The following DAB1 variants were observed in gnomAD, a reference collection of about 807,000 sequenced individuals.
The protein encoded by DAB1 is disabled homolog 1.
In DAB1, 15 loss-of-function variants were observed where a neutral mutation model predicts 64.6. That is an observed-to-expected ratio of 0.23 (90% CI 0.16 to 0.36). The LOEUF is 0.36. DAB1 is among the 10% of genes least tolerant of loss of function. The pLI, the probability that DAB1 is intolerant of heterozygous loss-of-function variation, is 1.00. For missense variants in DAB1, 596 were observed against 706.7 expected, an observed-to-expected ratio of 0.84 and a Z score of 1.78; for synonymous variants, 235 against 251.9, an observed-to-expected ratio of 0.93 and a Z score of 0.64.
chr1:58,334,458 C>A (rs767762549), intron 4 of DAB1, among the ~76,000 whole-genome samples: 1 of 151,896 alleles, frequency 6.6e-6, no homozygotes, highest in Non-Finnish European at 1.5e-5. Flanking sequence ...ACCATACATA[C>A]TGTCATAACT....
At chr1:57,185,980 G>A (rs551099828) in intron 2 of DAB1, among the ~76,000 whole-genome samples, 4 of 152,146 alleles carry the variant, frequency 2.6e-5, no homozygotes, top group Non-Finnish European at 1.5e-5. Flanking sequence ...TCACAGCCAC[G>A]AAATCACTGT....
intron 1 of DAB1, among the ~76,000 whole-genome samples, chr1:57,392,433 A>T (rs1029826053): frequency 1.3e-5 from 2 of 152,194 alleles, no homozygotes; most frequent in African/African-American, 4.8e-5. Context: ...TATTAGGCTT[A>T]GTTTTCTTCC....
intron 1 of DAB1, among the ~76,000 whole-genome samples, chr1:57,304,274 A>G (rs1335521441): frequency 6.6e-6 from 1 of 152,152 alleles, no homozygotes. Context: ...TATTGTGAAG[A>G]CAGCATCGAG....
chr1:57,484,733 A>G (rs77921522), intron 7 of DAB1, among the ~76,000 whole-genome samples: 2,262 of 152,172 alleles, frequency 0.015, 53 homozygotes, highest in East Asian at 0.14. Context: ...GGCTAAGGTA[A>G]CCCAGGGAGA....
At chr1:57,981,739 A>G (rs1362213009) in intron 5 of DAB1, among the ~76,000 whole-genome samples, 1 of 152,220 alleles carries the variant, frequency 6.6e-6, no homozygotes, top group East Asian at 1.9e-4. Flanking sequence ...GTCCCCTGAC[A>G]TAAATTCAGT....
intron 5 of DAB1, among the ~76,000 whole-genome samples, chr1:58,053,576 T>C (rs1219536325): frequency 6.6e-6 from 1 of 152,102 alleles, no homozygotes; most frequent in East Asian, 1.9e-4. Context: ...ACTCCAACAC[T>C]GGGTATCAAA....
chr1:58,440,990 G>A (rs758771786), intron 3 of DAB1, among the ~76,000 whole-genome samples: 38 of 152,302 alleles, frequency 2.5e-4, no homozygotes, highest in Middle Eastern at 3.4e-3. Flanking sequence ...TGCAAAACAC[G>A]TGCCTTGGAA....
At chr1:57,647,761 T>G (rs1646210939) in intron 7 of DAB1, among the ~76,000 whole-genome samples, 1 of 152,210 alleles carries the variant, frequency 6.6e-6, no homozygotes, top group African/African-American at 2.4e-5. Context: ...AGAAGATAGA[T>G]ATTACTTTTT....
intron 1 of DAB1, among the ~76,000 whole-genome samples, chr1:57,844,351 T>C (rs1653184879): frequency 6.6e-6 from 1 of 152,224 alleles, no homozygotes; most frequent in Non-Finnish European, 1.5e-5. Flanking sequence ...TAAACCTATA[T>C]GCATGAATGA....
At chr1:58,479,132 G>A (rs1397588043) in intron 3 of DAB1, among the ~76,000 whole-genome samples, 10 of 152,146 alleles carry the variant, frequency 6.6e-5, no homozygotes, top group Non-Finnish European at 1.5e-4. Flanking sequence ...AATTAGAAGT[G>A]ACAATGGGAA....
intron 9 of DAB1, among the ~76,000 whole-genome samples, chr1:57,053,688 A>ATATATATATATATTTTTTTTTT (rs1447741565): frequency 1.4e-5 from 1 of 71,422 alleles, no homozygotes; most frequent in African/African-American, 5.5e-5. Flanking sequence ...ATATATATAT[A>ATATATATATATATTTTTTTTTT]TTTTTTTTTT....
chr1:57,754,536 A>G (rs1648707817), intron 6 of DAB1, among the ~76,000 whole-genome samples: 1 of 151,970 alleles, frequency 6.6e-6, no homozygotes, highest in Non-Finnish European at 1.5e-5. Context: ...AAATGCAAAA[A>G]TTAGGCGGGC....
chr1:58,251,577 G>A (rs1357445889), intron 4 of DAB1, among the ~76,000 whole-genome samples: 1 of 152,216 alleles, frequency 6.6e-6, no homozygotes, highest in Non-Finnish European at 1.5e-5. Context: ...CCAAGGCCCT[G>A]AAGAAGGAAC....
chr1:57,940,736 T>C (rs1441317767), intron 5 of DAB1, among the ~76,000 whole-genome samples: 1 of 152,198 alleles, frequency 6.6e-6, no homozygotes, highest in African/African-American at 2.4e-5. Context: ...GCACCTCTAC[T>C]GTTAAAACTG....
intron 7 of DAB1, among the ~76,000 whole-genome samples, chr1:57,628,803 T>C (rs184747752): frequency 1.1e-3 from 161 of 152,332 alleles, no homozygotes; most frequent in Middle Eastern, 6.8e-3. Context: ...TCAAATTAGT[T>C]TGATAAAGTT....
chr1:58,017,243 G>A (rs1464444275), intron 5 of DAB1, among the ~76,000 whole-genome samples: 1 of 151,874 alleles, frequency 6.6e-6, no homozygotes, highest in African/African-American at 2.4e-5. Context: ...AAAAGCCCAT[G>A]ACAAACTTCT....
At chr1:57,320,114 C>A (rs1675576031) in intron 1 of DAB1, among the ~76,000 whole-genome samples, 1 of 152,120 alleles carries the variant, frequency 6.6e-6, no homozygotes, top group Non-Finnish European at 1.5e-5. Context: ...CTCTGTATTC[C>A]CACCCAAATC....
At chr1:57,356,840 C>A (rs376897551) in intron 1 of DAB1, among the ~76,000 whole-genome samples, 2 of 152,040 alleles carry the variant, frequency 1.3e-5, no homozygotes, top group South Asian at 4.2e-4. Flanking sequence ...TCGCAATAGA[C>A]CACATGCATC....
intron 6 of DAB1, among the ~76,000 whole-genome samples, chr1:57,739,889 C>A (rs1221402204): frequency 6.6e-6 from 1 of 151,736 alleles, no homozygotes; most frequent in African/African-American, 2.4e-5. Context: ...AACAAATATA[C>A]AAGTATTAAA....
Sources: allele counts gnomAD v4.1 joint callset (sites outside exome capture counted in the v4.1 genomes callset), GRCh38; gene constraint gnomAD v4.1.1; transcripts MANE v1.5; gene names NCBI Gene and HGNC (gene_info 2026-07-23, HGNC 2026-07-21).